Variants in TRDN observed in about 807,000 individuals in gnomAD.
The protein encoded by TRDN is triadin.
A neutral mutation model predicts 149.7 loss-of-function variants in TRDN; 161 were observed. The observed-to-expected ratio is 1.08, with a 90% CI of 0.95 to 1.23. The LOEUF is 1.23. Among genes scored for constraint, TRDN ranks in the 50% most tolerant of loss-of-function variants. The pLI, the probability that TRDN is intolerant of heterozygous loss-of-function variation, is 0.00. For synonymous variants in TRDN, 294 were observed against 250.5 expected (o/e 1.17, Z -1.64); for missense variants, 896 against 823.5 (o/e 1.09, Z -1.08).
At chr6:123,297,221 G>A (rs1778235900) in intron 24 of TRDN, among the ~76,000 whole-genome samples, 1 of 152,004 alleles carries the variant, frequency 6.6e-6, no homozygotes, top group Non-Finnish European at 1.5e-5. Context: ...TGTTATTCAA[G>A]CATCTTACTG....
chr6:123,557,062 C>G (rs1014757115), intron 2 of TRDN, among the ~76,000 whole-genome samples: 1 of 151,758 alleles, frequency 6.6e-6, no homozygotes, highest in Non-Finnish European at 1.5e-5. Context: ...ACCCCCCCAC[C>G]CCTGCCCGCC....
At chr6:123,498,579 G>T in intron 8 of TRDN, 1 of 471,098 alleles carries the variant, frequency 2.1e-6, no homozygotes, top group Non-Finnish European at 4.4e-6. Flanking sequence ...GTCATTCCAT[G>T]CATTGATTTG....
At chr6:123,222,780 C>T (rs1489761443) in intron 39 of TRDN, among the ~76,000 whole-genome samples, 2 of 151,406 alleles carry the variant, frequency 1.3e-5, no homozygotes, top group Non-Finnish European at 3.0e-5. Context: ...ATCTATAAAG[C>T]ACTTAAACAA....
chr6:123,228,499 A>G (rs1033234726), intron 38 of TRDN, among the ~76,000 whole-genome samples: 11 of 152,030 alleles, frequency 7.2e-5, no homozygotes, highest in African/African-American at 2.6e-4. Flanking sequence ...GGAGAAGAAG[A>G]ATGAGAACTG....
chr6:123,335,300 C>T (rs1248603563), intron 22 of TRDN, among the ~76,000 whole-genome samples: 3 of 151,564 alleles, frequency 2.0e-5, no homozygotes, highest in Admixed American at 6.6e-5. Flanking sequence ...ATGCTGCAAA[C>T]CTTTATATAT....
chr6:123,600,737 T>A (rs1291970010), intron 1 of TRDN, among the ~76,000 whole-genome samples: 3 of 152,036 alleles, frequency 2.0e-5, no homozygotes, highest in Non-Finnish European at 4.4e-5. Flanking sequence ...AGAACATTCA[T>A]CATTCAAAAT....
intron 10 of TRDN, chr6:123,457,547 T>A (rs1453565891): frequency 2.3e-6 from 1 of 441,148 alleles, no homozygotes; most frequent in African/African-American, 2.1e-5. Context: ...TCTCATTTCT[T>A]TCCCTTTTCA....
intron 10 of TRDN, among the ~76,000 whole-genome samples, chr6:123,454,004 A>C (rs1006919102): frequency 1.3e-5 from 2 of 152,076 alleles, no homozygotes; most frequent in Non-Finnish European, 2.9e-5. Flanking sequence ...ATTGGAGACT[A>C]TTATTCTAAG....
chr6:123,612,697 G>T (rs185418569), intron 1 of TRDN, among the ~76,000 whole-genome samples: 10 of 152,062 alleles, frequency 6.6e-5, no homozygotes, highest in African/African-American at 2.4e-4. Context: ...ACCACTGTGC[G>T]TCAAGATGAA....
intron 20 of TRDN, among the ~76,000 whole-genome samples, chr6:123,354,762 G>C (rs1004709292): frequency 1.3e-5 from 2 of 151,708 alleles, no homozygotes; most frequent in Non-Finnish European, 3.0e-5. Context: ...TGAGGAAGAA[G>C]TGATATTTGA....
intron 5 of TRDN, chr6:123,529,274 T>G: frequency 6.5e-7 from 1 of 1,548,964 alleles, no homozygotes; most frequent in Non-Finnish European, 8.7e-7. Flanking sequence ...CAATCCGTAC[T>G]CAAGAGCTGT....
At chr6:123,287,956 AT>A (rs1243330324) in intron 24 of TRDN, among the ~76,000 whole-genome samples, 1 of 151,910 alleles carries the variant, frequency 6.6e-6, no homozygotes, top group Non-Finnish European at 1.5e-5. Context: ...TAGTTATTAT[AT>A]TTTCTATATT....
chr6:123,460,368 AG>A (rs1776378534), intron 10 of TRDN, among the ~76,000 whole-genome samples: 1 of 152,206 alleles, frequency 6.6e-6, no homozygotes, highest in African/African-American at 2.4e-5. Flanking sequence ...AAATATTAAC[AG>A]CAACCAATGG....
chr6:123,433,376 G>A (rs182840778), intron 12 of TRDN, among the ~76,000 whole-genome samples: 1 of 151,842 alleles, frequency 6.6e-6, no homozygotes, highest in Admixed American at 6.6e-5. Flanking sequence ...TGAACTTGTG[G>A]ACATTTTGTC....
chr6:123,437,472 T>C (rs1562312534), intron 12 of TRDN: 2 of 277,650 alleles, frequency 7.2e-6, no homozygotes, highest in Non-Finnish European at 1.4e-5. Flanking sequence ...AGTGCAATTA[T>C]GGTGCTCACT....
At chr6:123,594,557 A>G (rs898816744) in intron 1 of TRDN, among the ~76,000 whole-genome samples, 3 of 152,042 alleles carry the variant, frequency 2.0e-5, no homozygotes, top group Non-Finnish European at 2.9e-5. Flanking sequence ...CACTTATCCC[A>G]GAAAAAGAAA....
At chr6:123,601,049 A>G (rs2114648351) in intron 1 of TRDN, among the ~76,000 whole-genome samples, 1 of 152,122 alleles carries the variant, frequency 6.6e-6, no homozygotes, top group South Asian at 2.1e-4. Context: ...TTTTTTCCCC[A>G]CTCTCTCACC....
At chr6:123,419,077 A>T (rs753547203) in intron 12 of TRDN, among the ~76,000 whole-genome samples, 14 of 151,986 alleles carry the variant, frequency 9.2e-5, no homozygotes, top group Non-Finnish European at 1.9e-4. Context: ...AGGCTAAAAA[A>T]AGAAACTGAT....
intron 1 of TRDN, among the ~76,000 whole-genome samples, chr6:123,610,246 A>G (rs1256350093): frequency 6.6e-6 from 1 of 152,202 alleles, no homozygotes; most frequent in Non-Finnish European, 1.5e-5. Context: ...TGAATATACC[A>G]AAGAACAACA....
Sources: gnomAD v4.1 joint callset for allele counts (sites outside exome capture counted in the v4.1 genomes callset) on GRCh38, gnomAD v4.1.1 for gene constraint, MANE v1.5 for transcripts, NCBI Gene and HGNC (gene_info 2026-07-23, HGNC 2026-07-21) for gene names.